TTBK1: variants seen among roughly 807,000 people sequenced by gnomAD.
The protein encoded by TTBK1 is tau tubulin kinase 1, also known as tau-tubulin kinase 1.
In TTBK1, 34 loss-of-function variants were observed where a neutral mutation model predicts 108.5. That is an observed-to-expected ratio of 0.31 (90% CI 0.24 to 0.42). The LOEUF (loss-of-function observed/expected upper bound fraction) is 0.42, where lower values mean the gene tolerates loss of function less well. Among genes scored for constraint, TTBK1 ranks in the 10% least tolerant of loss-of-function variants. TTBK1 has a pLI of 1.00. For synonymous variants in TTBK1, 809 were observed against 795.1 expected, an observed-to-expected ratio of 1.02 and a Z score of -0.29; for missense variants, 1,539 against 1,826.0, an observed-to-expected ratio of 0.84 and a Z score of 2.86.
rs1352897259 is a variant in TTBK1, at chr6:43,263,030, C to G, written c.1666C>G (p.Pro556Ala). ...IDKETELKDF[P>A]PGAEPSTSGT... ...CAAGGAGACGGAGCTCAAGGACTTC[C>G]CTCCAGGGGCTGAGCCCAGCACATC... is the stretch of plus-strand genomic sequence containing the variant. The change falls in exon 13 of 15, where the codon CCT becomes GCT. Residue 556 changes from proline to alanine, a missense_variant. Coordinates refer to ENST00000259750, the MANE Select transcript of TTBK1 (RefSeq NM_032538.3). This position sits in a 1 kb window ranked among gnomAD's most constrained non-coding sequence, Gnocchi z 4.7. 7 of 1,599,422 alleles carry G rather than the reference C, an allele frequency of 4.4e-6. No homozygotes were observed. The highest frequency in any genetic ancestry group is 1.3e-5 in the African/African-American group (1 of 74,784).
intron 13 of TTBK1, chr6:43,271,009 G>T: frequency 1.0e-6 from 1 of 985,466 alleles, no homozygotes; most frequent in Non-Finnish European, 1.2e-6. Context: ...TGGGAGTGGG[G>T]AAGTGTCAGG....
At chr6:43,247,730 A>T (rs1159014664) in intron 2 of TTBK1, among the ~76,000 whole-genome samples, 1 of 151,966 alleles carries the variant, frequency 6.6e-6, no homozygotes, top group Non-Finnish European at 1.5e-5. Context: ...GGGGTTGGAG[A>T]GGAGGGTGAG....
chr6:43,262,538 TA>T (rs1777568568), intron 12 of TTBK1, among the ~76,000 whole-genome samples: 1 of 152,144 alleles, frequency 6.6e-6, no homozygotes. Context: ...TGGAGCACGG[TA>T]AGCATTCAAA....
Position 43,269,983 on chromosome 6 carries a change from TG to T in TTBK1, c.1986+6642del, listed in dbSNP as rs142312292. ...CCCCCCCCCTCCTGGAGGGGGCAGGTGGGGGGGGGTGGGGAGCAGGCAGAGG... is the reference window on the plus strand; with the variant it reads ...CCCCCCCCCTCCTGGAGGGGGCAGGTGGGGGGGGTGGGGAGCAGGCAGAGG... On this transcript the variant is annotated intron_variant, in intron 13 of 14. Coordinates refer to ENST00000259750, the MANE Select transcript of TTBK1 (RefSeq NM_032538.3). The surrounding 1 kb of genome is among the most constrained non-coding windows in gnomAD (Gnocchi z 4.8). 6.8e-3 allele frequency: 8,467 copies of T among 1,242,116 alleles called. 27 individuals are homozygous for T. Among genetic ancestry groups the T allele is most frequent in the Admixed American group, 0.027 (804 of 30,292 alleles). The allele number at this position is 1,242,116 out of a possible 1,614,324, so 76.9% of individuals were successfully genotyped here.
intron 13 of TTBK1, among the ~76,000 whole-genome samples, chr6:43,275,073 CCACACT>C (rs1307844812): frequency 6.6e-6 from 1 of 152,056 alleles, no homozygotes; most frequent in Non-Finnish European, 1.5e-5. Context: ...ACACTCACAC[CCACACT>C]CACACACTCT....
intron 2 of TTBK1, among the ~76,000 whole-genome samples, chr6:43,250,198 G>A (rs1777198811): frequency 6.6e-6 from 1 of 152,060 alleles, no homozygotes; most frequent in African/African-American, 2.4e-5. Context: ...GAGCCTTCCT[G>A]ACTTATCTCT....
intron 2 of TTBK1, among the ~76,000 whole-genome samples, chr6:43,251,458 C>T (rs1263955972): frequency 6.6e-6 from 1 of 152,170 alleles, no homozygotes. Flanking sequence ...CAGTGGACCT[C>T]CTCTGAGATC....
chr6:43,253,394 C>T lies in TTBK1; in HGVS notation c.330+30C>T, dbSNP rs772213666. 6.2e-7 allele frequency: 1 copy of T among 1,612,600 alleles called. No individual in the cohort carries two copies. The highest frequency in any genetic ancestry group is 1.1e-5 in the South Asian group (1 of 91,016). ...GTCCCCGTGGCCCATCCTCGCTCCC[C>T]TCTCTAAGAGCTTGGGCTGTGACTC... On this transcript the variant is annotated intron_variant, in intron 4 of 14. Transcript: ENST00000259750. The surrounding 1 kb of genome is among the most constrained non-coding windows in gnomAD (Gnocchi z 5.8).
In TTBK1 at chr6:43,265,683, G is replaced by A. The variant is rs1376848433; in HGVS notation, c.1986+2333G>A. ...TATTTACTGTGTGCCATGTACCACA[G>A]GCATCAGAGGTGACTTGCACAATAG... On this transcript the variant is annotated intron_variant, in intron 13 of 14. Transcript: ENST00000259750. The surrounding 1 kb of genome is among the most constrained non-coding windows in gnomAD (Gnocchi z 4.1). 5.9e-5 allele frequency among the ~76,000 whole-genome samples: 9 copies of A among 152,188 alleles called. No homozygotes were observed. Among genetic ancestry groups the A allele is most frequent in the Non-Finnish European group, 1.2e-4 (8 of 68,046 alleles).
At chr6:43,246,830 A>G (rs1418106893) in intron 2 of TTBK1, 62 bp downstream of exon 2, 3 of 1,382,406 alleles carry the variant, frequency 2.2e-6, no homozygotes, top group Non-Finnish European at 3.0e-6. Flanking sequence ...GGACCTGGAG[A>G]CTTGTTAAAA....
In TTBK1 at chr6:43,286,597, A is replaced by AT. The variant is rs1218434986; in HGVS notation, c.*1223dup. 6.6e-6 allele frequency: 1 copy of AT among 152,314 alleles called. No homozygotes were observed. 9.4% of individuals were successfully genotyped at this position (152,314 alleles called of 1,614,324 possible). A position where few individuals can be genotyped will look rare whatever the true frequency, so the allele number is the denominator to read the frequency against. ...GCAGAAAGGCCCTTCTAACTTCCAG[A>AT]TTGTATGCTTGAGTGATGGGTCCCC... is the stretch of plus-strand genomic sequence containing the variant. On this transcript the variant is annotated 3_prime_UTR_variant, in exon 15 of 15. Coordinates refer to ENST00000259750, the MANE Select transcript of TTBK1 (RefSeq NM_032538.3). The surrounding 1 kb of genome is among the most constrained non-coding windows in gnomAD (Gnocchi z 4.6).
At position 43,269,493 on chromosome 6, in the gene TTBK1, G is replaced by A. The variant is rs1777767068; in HGVS notation, c.1986+6143G>A. 1.2e-6 allele frequency: 1 copy of A among 834,608 alleles called. No individual in the cohort carries two copies. The highest frequency in any genetic ancestry group is 1.8e-6 in the Non-Finnish European group (1 of 567,004). The allele number at this position is 834,608 out of a possible 1,614,324, so 51.7% of individuals were successfully genotyped here. A position where few individuals can be genotyped will look rare whatever the true frequency, so the allele number is the denominator to read the frequency against. On this transcript the variant is annotated intron_variant, in intron 13 of 14. Coordinates refer to ENST00000259750, the MANE Select transcript of TTBK1 (RefSeq NM_032538.3). The surrounding 1 kb of genome is among the most constrained non-coding windows in gnomAD (Gnocchi z 4.8). Reference sequence around the variant, plus strand: ...CTGAGGCAGGACCTTGGGGCGGGTGGTTTGCACCCTCCTCCACCCTGCCTG... The same window carrying A: ...CTGAGGCAGGACCTTGGGGCGGGTGATTTGCACCCTCCTCCACCCTGCCTG...
chr6:43,245,114 C>G (rs1777052302), intron 1 of TTBK1, among the ~76,000 whole-genome samples: 1 of 152,192 alleles, frequency 6.6e-6, no homozygotes, highest in South Asian at 2.1e-4. Context: ...GGTTTCCACA[C>G]CTCCACGTCC....
intron 13 of TTBK1, chr6:43,270,013 A>G: frequency 7.0e-7 from 1 of 1,426,892 alleles, no homozygotes; most frequent in East Asian, 2.6e-5. Flanking sequence ...GCAGAGGACC[A>G]TGGTTCCTTC....
rs562741050 is a variant in TTBK1, at chr6:43,259,338, C to T, written c.1248+69C>T. 2.3e-5 allele frequency: 32 copies of T among 1,394,538 alleles called. No individual in the cohort carries two copies. Among genetic ancestry groups the T allele is most frequent in the Non-Finnish European group, 3.0e-5 (31 of 1,031,446 alleles). The allele number at this position is 1,394,538 out of a possible 1,614,324, so 86.4% of individuals were successfully genotyped here. On this transcript the variant is annotated intron_variant, in intron 11 of 14. Transcript: ENST00000259750. The surrounding 1 kb of genome is among the most constrained non-coding windows in gnomAD (Gnocchi z 6.7). ...ACCCCCGATTCCCAGCCTTGTGCCC[C>T]TGCCCTGTTCCTCCTAAGCACCCTG...
intron 2 of TTBK1, among the ~76,000 whole-genome samples, chr6:43,251,407 G>T (rs1262608087): frequency 1.3e-5 from 2 of 152,222 alleles, no homozygotes; most frequent in African/African-American, 4.8e-5. Flanking sequence ...CCCCGAGGGG[G>T]TGAGCATCAA....
chr6:43,283,882 C>G lies in TTBK1; in HGVS notation c.3142C>G (p.Pro1048Ala). The change falls in exon 14 of 15, where the codon CCA becomes GCA. Residue 1048 changes from proline to alanine, a missense_variant. Physicochemically the swap from Pro to Ala is conservative, Grantham distance 27. Transcript: ENST00000259750. This position sits in a 1 kb window ranked among gnomAD's most constrained non-coding sequence, Gnocchi z 8.1. ...ATISPRRHAM[P>A]GSRPRSRIPV... is the part of the protein sequence containing the mutation. ...CATCTCCCCCAGACGCCATGCTATG[C>G]CAGGCTCTCGCCCCAGGAGCCGTAT... The G allele has an allele frequency of 1.2e-6, 2 of 1,611,294 alleles. No homozygotes were observed. The highest frequency in any genetic ancestry group is 1.7e-6 in the Non-Finnish European group (2 of 1,178,242).
intron 2 of TTBK1, among the ~76,000 whole-genome samples, chr6:43,247,159 G>T (rs1229105411): frequency 6.6e-6 from 1 of 152,086 alleles, no homozygotes; most frequent in Non-Finnish European, 1.5e-5. Flanking sequence ...CTCCGCTTCC[G>T]CAGAGGACGG....
intron 13 of TTBK1, chr6:43,272,570 A>G (rs1777862640): frequency 3.0e-6 from 3 of 985,426 alleles, no homozygotes; most frequent in Non-Finnish European, 3.6e-6. Flanking sequence ...ATCCTTTTGT[A>G]TATCCTCCAT....
Sources: allele counts gnomAD v4.1 joint callset (sites outside exome capture counted in the v4.1 genomes callset), GRCh38; gene constraint gnomAD v4.1.1; non-coding constraint Gnocchi (gnomAD v3.1); transcripts MANE v1.5; gene names NCBI Gene and HGNC (gene_info 2026-07-23, HGNC 2026-07-21).